The following PLXNB1 variants were observed in gnomAD, a reference collection of about 807,000 sequenced individuals.
The protein encoded by PLXNB1 is plexin-B1.
PLXNB1 carries 106 observed loss-of-function variants against 209.4 expected under a neutral mutation model. The observed-to-expected ratio is 0.51, with a 90% CI of 0.43 to 0.59. PLXNB1 has a LOEUF of 0.59. Ranked by LOEUF, PLXNB1 falls within the 20% of genes least tolerant of loss-of-function variation. The probability of loss-of-function intolerance (pLI) is 0.00; values close to 1 mark genes in which losing one functional copy is unlikely to be tolerated. For synonymous variants in PLXNB1, 1,167 were observed against 1,183.2 expected, an observed-to-expected ratio of 0.99 and a Z score of 0.28; for missense variants, 2,357 against 2,853.2, an observed-to-expected ratio of 0.83 and a Z score of 3.96.
intron 37 of PLXNB1, 93 bp from the exon 38 acceptor site, chr3:48,404,683 G>A (rs1010884701): frequency 1.2e-6 from 1 of 815,170 alleles, no homozygotes; most frequent in South Asian, 1.7e-5. Context: ...TGTGGCATGA[G>A]TGGGGTAGGA....
Position 48,410,001 on chromosome 3 carries a change from C to T in PLXNB1, c.5682G>A (p.Glu1894=). 6.2e-7 allele frequency: 1 copy of T among 1,612,830 alleles called. No homozygotes were observed. Among genetic ancestry groups the T allele is most frequent in the Non-Finnish European group, 8.5e-7 (1 of 1,179,612 alleles). The stretch of plus-strand genomic sequence containing the variant: ...GGCTGCCCCTCCGAGGCCTGGGCGG[C>T]TCCGGCTCATCACTTGGCTTCACCA... ...WHLVKPSDEP[E]PPRPRRGSLR... is the part of the protein sequence containing the mutation. The change falls in exon 32 of 38, where the codon GAG becomes GAA. Residue 1894 remains glutamate, a synonymous_variant. Coordinates refer to ENST00000296440, the MANE Select transcript of PLXNB1 (RefSeq NM_001130082.3). The surrounding 1 kb of genome is among the most constrained non-coding windows in gnomAD (Gnocchi z 6.4).
intron 3 of PLXNB1, among the ~76,000 whole-genome samples, chr3:48,423,288 C>A (rs2106957709): frequency 6.6e-6 from 1 of 152,292 alleles, no homozygotes; most frequent in African/African-American, 2.4e-5. Flanking sequence ...GCATCCTGGT[C>A]CAAGCCCATC....
Position 48,411,914 on chromosome 3 carries a change from G to A in PLXNB1, c.5196C>T (p.Tyr1732=). The change falls in exon 28 of 38, where the codon TAC becomes TAT. Residue 1732 remains tyrosine, a synonymous_variant. Transcript: ENST00000296440. This position sits in a 1 kb window ranked among gnomAD's most constrained non-coding sequence, Gnocchi z 4.0. Reference sequence around the variant, plus strand: ...TGAGCAGGCGGTTGTCGTTCAAGGTGTATTTGGCCTTGCCTGTCACACTGT... The same window carrying A: ...TGAGCAGGCGGTTGTCGTTCAAGGTATATTTGGCCTTGCCTGTCACACTGT... ...PVDSVTGKAK[Y]TLNDNRLLRE... The A allele has an allele frequency of 6.2e-7, 1 of 1,614,154 alleles. No homozygotes were observed. Among genetic ancestry groups the A allele is most frequent in the African/African-American group, 1.3e-5 (1 of 75,036 alleles).
chr3:48,421,969 T>C, intron 6 of PLXNB1, 136 bp downstream of exon 6: 1 of 1,301,954 alleles, frequency 7.7e-7, no homozygotes, highest in Admixed American at 2.0e-5. Flanking sequence ...GTGCAGAGGA[T>C]GGGGGTGAGG....
At position 48,416,286 on chromosome 3, in the gene PLXNB1, A is replaced by G. The variant is rs1350682873; in HGVS notation, c.3480+60T>C. The stretch of plus-strand genomic sequence containing the variant: ...CACCAAGGAATAACCAGATGGGTTG[A>G]GAGGAGCCACCAGAGAGGTTGGCCC... On this transcript the variant is annotated intron_variant, in intron 17 of 37. Coordinates refer to ENST00000296440, the MANE Select transcript of PLXNB1 (RefSeq NM_001130082.3). This position sits in a 1 kb window ranked among gnomAD's most constrained non-coding sequence, Gnocchi z 4.1. The G allele has an allele frequency of 3.8e-6, 6 of 1,559,696 alleles. No homozygotes were observed. The highest frequency in any genetic ancestry group is 5.3e-6 in the Non-Finnish European group (6 of 1,136,548).
rs979894328 is a variant in PLXNB1 at position 48,424,477 on chromosome 3, G to T, written c.135C>A (p.Gly45=). 4.4e-6 allele frequency: 7 copies of T among 1,602,000 alleles called. No individual in the cohort carries two copies. In the Admixed American group the frequency reaches 8.5e-5, roughly 20 times the overall value. ...AGTTGGTAGCCCCCAGGTAGAGGGT[G>T]CCTGAGGTGGGGTCCCTTGCCAGGT... ...LQHLARDPTS[G]TLYLGATNFL... Residue 45 remains glycine (G), a synonymous_variant, in exon 3 of 38, where the codon GGC becomes GGA. Transcript: ENST00000296440.
In PLXNB1 at chr3:48,409,542, C is replaced by A; in HGVS notation, c.5939+29G>T. ...GGCAGAAGAGAAGACCCCCCACACACACCTAGAGCCCACCCAGCTCCACCC... is the reference window on the plus strand; with the variant it reads ...GGCAGAAGAGAAGACCCCCCACACAAACCTAGAGCCCACCCAGCTCCACCC... On this transcript the variant is annotated intron_variant, in intron 33 of 37. Coordinates refer to ENST00000296440, the MANE Select transcript of PLXNB1 (RefSeq NM_001130082.3). This position sits in a 1 kb window ranked among gnomAD's most constrained non-coding sequence, Gnocchi z 5.8. 6.2e-7 allele frequency: 1 copy of A among 1,613,756 alleles called. No individual in the cohort carries two copies. Among genetic ancestry groups the A allele is most frequent in the Non-Finnish European group, 8.5e-7 (1 of 1,179,710 alleles).
In PLXNB1 at chr3:48,409,300, C is replaced by CG; in HGVS notation, c.6087+28_6087+29insC. ...CACAGCACTGTCCACCCTCACCCAT[C>CG]CCCCCGTGTCCATCCCAGACTCGCT... On this transcript the variant is annotated intron_variant, in intron 34 of 37. Coordinates refer to ENST00000296440, the MANE Select transcript of PLXNB1 (RefSeq NM_001130082.3). This position sits in a 1 kb window ranked among gnomAD's most constrained non-coding sequence, Gnocchi z 5.8. The CG allele has an allele frequency of 6.7e-7, 1 of 1,484,146 alleles. No individual in the cohort carries two copies. Among genetic ancestry groups the CG allele is most frequent in the Non-Finnish European group, 8.9e-7 (1 of 1,124,328 alleles). The allele number at this position is 1,484,146 out of a possible 1,614,324, so 91.9% of individuals were successfully genotyped here.
At chr3:48,412,064 C>T in intron 27 of PLXNB1, 55 bp from the exon 28 acceptor site, 1 of 1,590,858 alleles carries the variant, frequency 6.3e-7, no homozygotes, top group Non-Finnish European at 8.6e-7. Context: ...GTGTATGGGA[C>T]ATGACGCACA....
rs114418296 is a variant in PLXNB1, at chr3:48,415,821, C to T, written c.3618-62G>A. 791 of 1,467,914 alleles carry T rather than the reference C, an allele frequency of 5.4e-4. 3 individuals carry two copies. The African/African-American group carries it at 9.8e-3, about 18-fold the overall frequency. The allele number at this position is 1,467,914 out of a possible 1,614,324, so 90.9% of individuals were successfully genotyped here. The stretch of plus-strand genomic sequence containing the variant: ...GCAGGGAAAACTTGGACCACTCAGG[C>T]CCCAACTGGCTTCCCTCAAGCGCTG... On this transcript the variant is annotated intron_variant, in intron 18 of 37. Coordinates refer to ENST00000296440, the MANE Select transcript of PLXNB1 (RefSeq NM_001130082.3). This position sits in a 1 kb window ranked among gnomAD's most constrained non-coding sequence, Gnocchi z 5.0.
chr3:48,423,988 C>T lies in PLXNB1; in HGVS notation c.624G>A (p.Val208=). 6.2e-7 allele frequency: 1 copy of T among 1,613,446 alleles called. No individual in the cohort carries two copies. Among genetic ancestry groups the T allele is most frequent in the Non-Finnish European group, 8.5e-7 (1 of 1,179,780 alleles). ...FSYEETAKLA[V]GRLSEYSHHF... ...GGTGGCTGTACTCGGAGAGGCGGCC[C>T]ACTGCCAGCTTGGCTGTCTCCTCAT... The change falls in exon 3 of 38, where the codon GTG becomes GTA. Residue 208 remains valine, a synonymous_variant. Transcript: ENST00000296440.
Position 48,418,239 on chromosome 3 carries a change from A to G in PLXNB1, c.3174T>C (p.Gly1058=), listed in dbSNP as rs935403954. The G allele has an allele frequency of 7.4e-6, 12 of 1,612,998 alleles. No individual in the cohort carries two copies. In the East Asian group the frequency reaches 2.2e-4, roughly 30 times the overall value. Residue 1058 remains glycine (G), a synonymous_variant, in exon 15 of 38, where the codon GGT becomes GGC. Transcript: ENST00000296440. This position sits in a 1 kb window ranked among gnomAD's most constrained non-coding sequence, Gnocchi z 6.6. The part of the protein sequence containing the change: ...RPRCVTREAC[G]EAEAVATQCP... ...ACTGGGTGGCCACAGCCTCAGCCTC[A>G]CCACAGGCCTCCCGGGTCACACAAC... is the stretch of plus-strand genomic sequence containing the variant.
At position 48,405,320 on chromosome 3, in the gene PLXNB1, T is replaced by C. The variant is rs112231597; in HGVS notation, c.6303+404A>G. Among the ~76,000 whole-genome samples, 6 of 152,280 alleles carry C rather than the reference T, an allele frequency of 3.9e-5. No homozygotes were observed. The highest frequency in any genetic ancestry group is 1.4e-4 in the African/African-American group (6 of 41,572). ...CCAAAAAGCTTCACCAGCTCCAGTGTACCCTCACACCCCTGGCCCTGTGCC... is the reference window on the plus strand; with the variant it reads ...CCAAAAAGCTTCACCAGCTCCAGTGCACCCTCACACCCCTGGCCCTGTGCC... On this transcript the variant is annotated intron_variant, in intron 37 of 37. Coordinates refer to ENST00000296440, the MANE Select transcript of PLXNB1 (RefSeq NM_001130082.3). The surrounding 1 kb of genome is among the most constrained non-coding windows in gnomAD (Gnocchi z 5.0).
At position 48,415,381 on chromosome 3, in the gene PLXNB1, T is replaced by C; in HGVS notation, c.3795-34A>G. 6.3e-7 allele frequency: 1 copy of C among 1,598,918 alleles called. No homozygotes were observed. Among genetic ancestry groups the C allele is most frequent in the Non-Finnish European group, 8.6e-7 (1 of 1,169,374 alleles). On this transcript the variant is annotated intron_variant, in intron 19 of 37. Transcript: ENST00000296440. The surrounding 1 kb of genome is among the most constrained non-coding windows in gnomAD (Gnocchi z 5.0). ...GACCGTGAGCTTACGTAACGTAAGA[T>C]GGCTTATGTTACCTGGACCTAAAGC...
At chr3:48,421,548 T>C (rs2038519784) in intron 7 of PLXNB1, 126 bp downstream of exon 7, 1 of 1,218,254 alleles carries the variant, frequency 8.2e-7, no homozygotes, top group Non-Finnish European at 1.1e-6. Flanking sequence ...ACTGAGCTCC[T>C]AAAAGAAGTG....
intron 10 of PLXNB1, 44 bp from the exon 11 acceptor site, chr3:48,420,301 G>T: frequency 2.5e-6 from 3 of 1,191,610 alleles, no homozygotes; most frequent in East Asian, 2.6e-5. Context: ...CACTCAGCAG[G>T]CAGGCGCGGG....
Position 48,415,090 on chromosome 3 carries a change from G to A in PLXNB1, c.3967-49C>T. ...ACGAGGGGCCAAGCAAAGATGGGAA[G>A]AGCCTCCTCTGGCACCTGCTCTGGC... On this transcript the variant is annotated intron_variant, in intron 20 of 37. Transcript: ENST00000296440. The surrounding 1 kb of genome is among the most constrained non-coding windows in gnomAD (Gnocchi z 5.0). 1.9e-6 allele frequency: 3 copies of A among 1,607,876 alleles called. No homozygotes were observed. Among genetic ancestry groups the A allele is most frequent in the Middle Eastern group, 1.7e-4 (1 of 6,040 alleles).
Position 48,418,623 on chromosome 3 carries a change from A to T in PLXNB1, c.2956-81T>A. On this transcript the variant is annotated intron_variant, in intron 13 of 37. Transcript: ENST00000296440. This position sits in a 1 kb window ranked among gnomAD's most constrained non-coding sequence, Gnocchi z 6.6. ...GGAGGGGTTAGTCAGAGAAAGGACT[A>T]AAACGACCAGTTAGGAGCATAGGGT... is the stretch of plus-strand genomic sequence containing the variant. The T allele has an allele frequency of 8.1e-7, 1 of 1,238,248 alleles. No individual in the cohort carries two copies. The highest frequency in any genetic ancestry group is 1.2e-6 in the Non-Finnish European group (1 of 863,450). 76.7% of individuals were successfully genotyped at this position (1,238,248 alleles called of 1,614,324 possible). A position where few individuals can be genotyped will look rare whatever the true frequency, so the allele number is the denominator to read the frequency against.
At position 48,419,064 on chromosome 3, in the gene PLXNB1, G is replaced by C. The variant is rs2038308176; in HGVS notation, c.2833-25C>G. 10 of 1,611,492 alleles carry C rather than the reference G, an allele frequency of 6.2e-6. No individual in the cohort carries two copies. Among genetic ancestry groups the C allele is most frequent in the Non-Finnish European group, 8.5e-6 (10 of 1,178,068 alleles). ...CCTGAGGGCAGAGAACACAGCTGTT[G>C]GGCAGCTTCAGGAGCTGGGCCCAGG... On this transcript the variant is annotated intron_variant, in intron 12 of 37. Transcript: ENST00000296440. The surrounding 1 kb of genome is among the most constrained non-coding windows in gnomAD (Gnocchi z 5.7).
Sources: allele counts gnomAD v4.1 joint callset (sites outside exome capture counted in the v4.1 genomes callset), GRCh38; gene constraint gnomAD v4.1.1; non-coding constraint Gnocchi (gnomAD v3.1); transcripts MANE v1.5; gene names NCBI Gene and HGNC (gene_info 2026-07-23, HGNC 2026-07-21).